Variants in REC114 observed in about 807,000 individuals in gnomAD.
REC114 encodes the protein REC114 meiotic recombination protein, also known as meiotic recombination protein REC114.
A neutral mutation model predicts 31.3 loss-of-function variants in REC114; 27 were observed. The observed-to-expected ratio is 0.86, with a 90% CI of 0.64 to 1.19. The LOEUF (loss-of-function observed/expected upper bound fraction) is 1.19. Ranked by LOEUF, REC114 falls within the 50% of genes most tolerant of loss-of-function variation. The probability of loss-of-function intolerance (pLI) is 0.00; values close to 1 mark genes in which losing one functional copy is unlikely to be tolerated. For synonymous variants in REC114, 134 were observed against 127.7 expected, an observed-to-expected ratio of 1.05 and a Z score of -0.33; for missense variants, 344 against 326.9, an observed-to-expected ratio of 1.05 and a Z score of -0.40.
At chr15:73,502,897 T>C (rs1423801357) in intron 2 of REC114, among the ~76,000 whole-genome samples, 1 of 152,226 alleles carries the variant, frequency 6.6e-6, no homozygotes, top group Non-Finnish European at 1.5e-5. Flanking sequence ...ACAATATTTT[T>C]CTATGCATGC....
At chr15:73,495,668 A>G (rs543122459) in intron 2 of REC114, among the ~76,000 whole-genome samples, 1 of 152,240 alleles carries the variant, frequency 6.6e-6, no homozygotes, top group South Asian at 2.1e-4. Flanking sequence ...TTAAGAGGCT[A>G]TAGAATTTAG....
chr15:73,456,021 G>A (rs1419365767), intron 1 of REC114, among the ~76,000 whole-genome samples: 2 of 152,072 alleles, frequency 1.3e-5, no homozygotes, highest in Non-Finnish European at 2.9e-5. Flanking sequence ...GAGTTATGAG[G>A]TAAGGCAATC....
intron 1 of REC114, among the ~76,000 whole-genome samples, chr15:73,470,726 G>C (rs2141291984): frequency 6.6e-6 from 1 of 152,304 alleles, no homozygotes; most frequent in East Asian, 1.9e-4. Context: ...CTGGAGAAGG[G>C]AATAGGAGTA....
intron 2 of REC114, among the ~76,000 whole-genome samples, chr15:73,500,973 G>C (rs78313397): frequency 0.051 from 7,817 of 152,130 alleles, 218 homozygotes; most frequent in South Asian, 0.094. Flanking sequence ...TTAGGGAGGA[G>C]TCATCTGGCT....
At chr15:73,501,226 C>T (rs1361345379) in intron 2 of REC114, among the ~76,000 whole-genome samples, 1 of 152,174 alleles carries the variant, frequency 6.6e-6, no homozygotes, top group Admixed American at 6.5e-5. Flanking sequence ...CATTCAATCT[C>T]ATTGGATAAA....
intron 2 of REC114, among the ~76,000 whole-genome samples, chr15:73,536,135 A>C (rs1894153988): frequency 6.6e-6 from 1 of 152,150 alleles, no homozygotes; most frequent in Admixed American, 6.5e-5. Context: ...TCATGTCTAA[A>C]ACACCAAAAG....
chr15:73,476,948 C>G (rs1893223124), intron 2 of REC114, among the ~76,000 whole-genome samples: 1 of 152,198 alleles, frequency 6.6e-6, no homozygotes, highest in African/African-American at 2.4e-5. Flanking sequence ...TAGGAAACTG[C>G]AAAACTGTTT....
Position 73,556,287 on chromosome 15 carries a change from GTTGT to G in REC114, c.547-12_547-9del. ...CATTCAGCTAGTCTCCTTATTGCAT[GTTGT>G]TTTATTCCAGTCCCACCAGCACTCA... On this transcript the variant is annotated splice_polypyrimidine_tract_variant and intron_variant, in intron 4 of 5. Coordinates refer to ENST00000331090, the MANE Select transcript of REC114 (RefSeq NM_001042367.2). The G allele has an allele frequency of 6.2e-7, 1 of 1,608,784 alleles. No individual in the cohort carries two copies. Among genetic ancestry groups the G allele is most frequent in the African/African-American group, 1.3e-5 (1 of 74,738 alleles).
At chr15:73,475,463 T>C (rs1893198680) in intron 2 of REC114, among the ~76,000 whole-genome samples, 2 of 152,222 alleles carry the variant, frequency 1.3e-5, no homozygotes, top group South Asian at 2.1e-4. Context: ...GTCTTGATGA[T>C]ACTGGCCCTT....
chr15:73,449,889 A>G (rs1473437356), intron 1 of REC114, among the ~76,000 whole-genome samples: 2 of 152,214 alleles, frequency 1.3e-5, no homozygotes, highest in African/African-American at 4.8e-5. Flanking sequence ...TTTCATATCC[A>G]GCCAAACTAA....
intron 2 of REC114, among the ~76,000 whole-genome samples, chr15:73,518,172 T>C (rs1219426263): frequency 6.6e-6 from 1 of 152,274 alleles, no homozygotes; most frequent in Non-Finnish European, 1.5e-5. Flanking sequence ...TTTGCTATTA[T>C]ACTTCTTAAG....
chr15:73,523,669 G>A (rs1302274612), intron 2 of REC114, among the ~76,000 whole-genome samples: 1 of 152,124 alleles, frequency 6.6e-6, no homozygotes, highest in East Asian at 1.9e-4. Flanking sequence ...TTTTCTTAAC[G>A]TTGCCTTTGG....
At chr15:73,456,155 A>G (rs1892912180) in intron 1 of REC114, among the ~76,000 whole-genome samples, 1 of 152,210 alleles carries the variant, frequency 6.6e-6, no homozygotes, top group South Asian at 2.1e-4. Context: ...TTCTGAAAAG[A>G]TATAATAACA....
intron 1 of REC114, among the ~76,000 whole-genome samples, chr15:73,462,634 C>T (rs1893004147): frequency 1.3e-5 from 2 of 152,102 alleles, no homozygotes; most frequent in South Asian, 4.2e-4. Context: ...GCCTGTAATC[C>T]CAGCACTTTG....
At chr15:73,458,413 C>T (rs1388108807) in intron 1 of REC114, among the ~76,000 whole-genome samples, 2 of 152,174 alleles carry the variant, frequency 1.3e-5, no homozygotes, top group Non-Finnish European at 2.9e-5. Flanking sequence ...TAGTTATCTT[C>T]TCATATGCAG....
intron 2 of REC114, among the ~76,000 whole-genome samples, chr15:73,494,677 T>C (rs192801080): frequency 6.6e-5 from 10 of 152,294 alleles, no homozygotes; most frequent in Non-Finnish European, 1.2e-4. Flanking sequence ...TGATGTTACA[T>C]TTTTGCAATT....
chr15:73,493,461 T>C (rs1567870208), intron 2 of REC114, among the ~76,000 whole-genome samples: 1 of 152,194 alleles, frequency 6.6e-6, no homozygotes, highest in Non-Finnish European at 1.5e-5. Context: ...GGTTAAGTTT[T>C]CCCCTTTCAT....
intron 2 of REC114, among the ~76,000 whole-genome samples, chr15:73,497,510 A>G (rs1893545296): frequency 6.6e-6 from 1 of 152,196 alleles, no homozygotes; most frequent in Non-Finnish European, 1.5e-5. Context: ...GCATGCTATC[A>G]GTTAGAATAT....
chr15:73,488,375 C>T (rs543887193), intron 2 of REC114, among the ~76,000 whole-genome samples: 1 of 152,152 alleles, frequency 6.6e-6, no homozygotes, highest in Non-Finnish European at 1.5e-5. Context: ...CTTTACATGG[C>T]CAGGCTGAGA....
Sources: allele counts gnomAD v4.1 joint callset (sites outside exome capture counted in the v4.1 genomes callset), GRCh38; gene constraint gnomAD v4.1.1; transcripts MANE v1.5; gene names NCBI Gene and HGNC (gene_info 2026-07-23, HGNC 2026-07-21).